GPM6A: variants seen among roughly 807,000 people sequenced by gnomAD.
GPM6A encodes neuronal membrane glycoprotein M6-a.
A neutral mutation model predicts 32.1 loss-of-function variants in GPM6A; 7 were observed. The ratio of observed to expected loss-of-function variants is 0.22; its 90% CI spans 0.12 to 0.41. The LOEUF is 0.41. GPM6A is among the 10% of genes least tolerant of loss of function. The pLI, the probability that GPM6A is intolerant of heterozygous loss-of-function variation, is 1.00. For synonymous variants in GPM6A, 130 were observed against 123.4 expected (o/e 1.05, Z -0.35); for missense variants, 235 against 347.2 (o/e 0.68, Z 2.57).
chr4:175,968,563 T>C (rs1274693868), intron 1 of GPM6A, among the ~76,000 whole-genome samples: 1 of 152,142 alleles, frequency 6.6e-6, no homozygotes, highest in African/African-American at 2.4e-5. Context: ...TATATCAAGA[T>C]TTCTTAAATA....
intron 1 of GPM6A, among the ~76,000 whole-genome samples, chr4:175,936,007 A>T (rs113590390): frequency 0.06 from 9,065 of 151,116 alleles, 784 homozygotes; most frequent in African/African-American, 0.2. Flanking sequence ...AAAAAAAAAT[A>T]AAAAAAATTA....
At position 175,923,558 on chromosome 4, in the gene GPM6A, G is replaced by GTT. The variant is rs1159294057; in HGVS notation, c.-23+78749_-23+78750dup. The stretch of plus-strand genomic sequence containing the variant: ...TGTTGCTTTGTGTTTTTTTGTTGTT[G>GTT]TTTGTTTGTTTTTAAGACAAGATCG... On this transcript the variant is annotated intron_variant, in intron 1 of 7. Transcript: ENST00000280187. Among the ~76,000 whole-genome samples, 20 of 151,400 alleles carry GTT rather than the reference G, an allele frequency of 1.3e-4. No individual in the cohort carries two copies. The East Asian group carries it at 3.3e-3, about 25-fold the overall frequency.
chr4:175,974,669 C>G (rs1346436998), intron 1 of GPM6A, among the ~76,000 whole-genome samples: 1 of 150,328 alleles, frequency 6.7e-6, no homozygotes, highest in Non-Finnish European at 1.5e-5. Context: ...GACACCTCTC[C>G]TGGTACCTTT....
intron 1 of GPM6A, among the ~76,000 whole-genome samples, chr4:175,802,467 T>C (rs979686716): frequency 1.6e-4 from 25 of 152,062 alleles, no homozygotes; most frequent in African/African-American, 5.8e-4. Flanking sequence ...TATAAGCCAA[T>C]TGTGTGAGAC....
intron 1 of GPM6A, among the ~76,000 whole-genome samples, chr4:175,715,610 T>A (rs1745799504): frequency 6.6e-6 from 1 of 152,186 alleles, no homozygotes; most frequent in African/African-American, 2.4e-5. Flanking sequence ...CCATGTTTAG[T>A]CTGACACAAG....
At chr4:175,948,353 T>G (rs981032666) in intron 1 of GPM6A, among the ~76,000 whole-genome samples, 2 of 152,172 alleles carry the variant, frequency 1.3e-5, no homozygotes, top group Non-Finnish European at 2.9e-5. Flanking sequence ...TTTTCTTTCC[T>G]TCATAGAAGA....
chr4:175,648,532 G>A (rs1240168930), intron 4 of GPM6A, among the ~76,000 whole-genome samples: 1 of 152,206 alleles, frequency 6.6e-6, no homozygotes, highest in Non-Finnish European at 1.5e-5. Context: ...TATTGCTGCT[G>A]TAACAGATTG....
Position 175,911,280 on chromosome 4 carries a change from T to C in GPM6A, c.-23+91029A>G, listed in dbSNP as rs112774257. Among the ~76,000 whole-genome samples the C allele has an allele frequency of 6.8e-4, 104 of 152,224 alleles. 2 individuals are homozygous for C. Among genetic ancestry groups the C allele is most frequent in the African/African-American group, 2.5e-3 (103 of 41,530 alleles). On this transcript the variant is annotated intron_variant, in intron 1 of 7. Transcript: ENST00000280187. The stretch of plus-strand genomic sequence containing the variant: ...GAAGGGGTGACGAGAATGAGACTCA[T>C]AATACAAAATATACACTTAAAAAAA...
At position 175,798,904 on chromosome 4, in the gene GPM6A, G is replaced by A. The variant is rs186263766; in HGVS notation, c.37+13287C>T. On this transcript the variant is annotated intron_variant, in intron 1 of 6. Transcript: ENST00000393658. ...GCATTTTTTATATTGCACCAAAAGAGGTATTCAGTTTTTGTCTGCCATGTC... is the reference window on the plus strand; with the variant it reads ...GCATTTTTTATATTGCACCAAAAGAAGTATTCAGTTTTTGTCTGCCATGTC... 4.8e-4 allele frequency among the ~76,000 whole-genome samples: 73 copies of A among 152,158 alleles called. 1 individual carries two copies. Among genetic ancestry groups the A allele is most frequent in the Admixed American group, 1.6e-3 (24 of 15,278 alleles).
chr4:175,924,839 C>CAAAAAAAA (rs1190915755), intron 1 of GPM6A, among the ~76,000 whole-genome samples: 64 of 62,000 alleles, frequency 1.0e-3, no homozygotes, highest in African/African-American at 2.7e-3. Context: ...AAATCTGTCT[C>CAAAAAAAA]AAAAAAAAAA....
intron 1 of GPM6A, among the ~76,000 whole-genome samples, chr4:175,972,139 C>G (rs986900287): frequency 7.2e-5 from 11 of 152,022 alleles, no homozygotes; most frequent in African/African-American, 2.4e-4. Context: ...TCAGTTCACT[C>G]AAAGAACCCC....
chr4:175,812,641 T>C (rs1734976299), upstream of GPM6A: 2 of 989,876 alleles, frequency 2.0e-6, no homozygotes, highest in Non-Finnish European at 2.4e-6. Context: ...GAGGTTTGTA[T>C]TGAAATCTGG....
chr4:175,873,278 G>C (rs1487025095), intron 1 of GPM6A, among the ~76,000 whole-genome samples: 1 of 151,146 alleles, frequency 6.6e-6, no homozygotes, highest in African/African-American at 2.4e-5. Context: ...CTAATTTTAG[G>C]TCTAGAAAAT....
At chr4:175,874,063 T>A (rs1371537317) in intron 1 of GPM6A, among the ~76,000 whole-genome samples, 1 of 151,984 alleles carries the variant, frequency 6.6e-6, no homozygotes, top group Non-Finnish European at 1.5e-5. Context: ...CATGACTAGC[T>A]AGTGTAAAAA....
At chr4:175,740,298 G>A (rs567049286) in intron 1 of GPM6A, among the ~76,000 whole-genome samples, 3 of 152,060 alleles carry the variant, frequency 2.0e-5, no homozygotes, top group Non-Finnish European at 4.4e-5. Context: ...TTTCTGCCAC[G>A]ATATAGCAGA....
At chr4:175,714,490 A>G (rs960030202) in intron 1 of GPM6A, among the ~76,000 whole-genome samples, 3 of 151,864 alleles carry the variant, frequency 2.0e-5, no homozygotes, top group African/African-American at 7.3e-5. Flanking sequence ...CTCAAGGGAT[A>G]CTCCTGCCTC....
intron 1 of GPM6A, among the ~76,000 whole-genome samples, chr4:175,794,074 G>C (rs1192351739): frequency 6.6e-6 from 1 of 151,966 alleles, no homozygotes; most frequent in Non-Finnish European, 1.5e-5. Flanking sequence ...TTTCCTTCTA[G>C]AGTAATACAG....
chr4:175,936,970 G>A (rs1316020785), intron 1 of GPM6A, among the ~76,000 whole-genome samples: 1 of 152,126 alleles, frequency 6.6e-6, no homozygotes, highest in African/African-American at 2.4e-5. Flanking sequence ...AGTTTAGAGA[G>A]ATGGAAGATC....
At chr4:175,975,376 A>C (rs1322924945) in intron 1 of GPM6A, among the ~76,000 whole-genome samples, 1 of 152,188 alleles carries the variant, frequency 6.6e-6, no homozygotes, top group Non-Finnish European at 1.5e-5. Flanking sequence ...CCTGAGTTGC[A>C]GTTGTCTACT....
Sources: allele counts gnomAD v4.1 joint callset (sites outside exome capture counted in the v4.1 genomes callset), GRCh38; gene constraint gnomAD v4.1.1; transcripts MANE v1.5; gene names NCBI Gene and HGNC (gene_info 2026-07-23, HGNC 2026-07-21).